FNBP1L: variants seen among roughly 807,000 people sequenced by gnomAD.
FNBP1L encodes the protein formin binding protein 1 like.
In FNBP1L, 36 loss-of-function variants were observed where a neutral mutation model predicts 91.2. The ratio of observed to expected loss-of-function variants is 0.39; its 90% CI spans 0.30 to 0.52. FNBP1L has a LOEUF of 0.52. FNBP1L is among the 20% of genes least tolerant of loss of function. The pLI is 0.66. For missense variants in FNBP1L, 571 were observed against 732.1 expected (o/e 0.78, Z 2.54); for synonymous variants, 242 against 237.0 (o/e 1.02, Z -0.19).
At chr1:93,489,820 G>A (rs1170828802) in intron 1 of FNBP1L, among the ~76,000 whole-genome samples, 3 of 152,152 alleles carry the variant, frequency 2.0e-5, no homozygotes, top group African/African-American at 7.2e-5. Flanking sequence ...TGGTGTTTTA[G>A]CTCTATGAGA....
rs760113054 is a variant in FNBP1L, at chr1:93,549,326, A to G, written c.1551A>G (p.Pro517=). The G allele has an allele frequency of 4.3e-6, 7 of 1,612,880 alleles. No individual in the cohort carries two copies. In the African/African-American group the frequency reaches 8.0e-5, roughly 18 times the overall value. The change falls in exon 15 of 17, where the codon CCA becomes CCG. Residue 517 remains proline, a synonymous_variant. Coordinates refer to ENST00000271234, the MANE Select transcript of FNBP1L (RefSeq NM_001164473.3). ...TDDANQEVRG[P]PQQHGHHNEF... The stretch of plus-strand genomic sequence containing the variant: ...ATGCAAACCAGGAAGTCCGTGGGCC[A>G]CCCCAGCAGCATGGTCACCACAATG...
At chr1:93,528,170 C>G (rs1000883152) in intron 5 of FNBP1L, among the ~76,000 whole-genome samples, 2 of 152,028 alleles carry the variant, frequency 1.3e-5, no homozygotes, top group East Asian at 1.9e-4. Flanking sequence ...ACAAAAATAA[C>G]TCAAGAAAGT....
At chr1:93,449,814 T>C (rs950554134) in intron 1 of FNBP1L, among the ~76,000 whole-genome samples, 14 of 152,230 alleles carry the variant, frequency 9.2e-5, no homozygotes, top group Admixed American at 1.3e-4. Context: ...TTGGCCTTTT[T>C]CCCTTACACT....
chr1:93,526,121 G>A (rs1557810448), intron 5 of FNBP1L, among the ~76,000 whole-genome samples: 1 of 152,120 alleles, frequency 6.6e-6, no homozygotes, highest in Non-Finnish European at 1.5e-5. Context: ...AAAGTAGGCA[G>A]TACTGGCATT....
rs191169954 is a variant in FNBP1L at position 93,477,490 on chromosome 1, T to C, written c.25-21978T>C. Among the ~76,000 whole-genome samples, 6 of 152,350 alleles carry C rather than the reference T, an allele frequency of 3.9e-5. No homozygotes were observed. In the East Asian group the frequency reaches 1.2e-3, roughly 29 times the overall value. On this transcript the variant is annotated intron_variant, in intron 1 of 16. Coordinates refer to ENST00000271234, the MANE Select transcript of FNBP1L (RefSeq NM_001164473.3). The stretch of plus-strand genomic sequence containing the variant: ...TAGAAAAATGTGTTAATCTATAAAA[T>C]AGTAGCTTGTATATGTTCATTCTGC...
At chr1:93,547,967 C>A (rs931181030) in intron 14 of FNBP1L, among the ~76,000 whole-genome samples, 8 of 152,058 alleles carry the variant, frequency 5.3e-5, no homozygotes, top group Non-Finnish European at 1.0e-4. Flanking sequence ...TGTGAGAGGC[C>A]TAGTAACAAC....
At chr1:93,475,892 A>G (rs17109997) in intron 1 of FNBP1L, among the ~76,000 whole-genome samples, 15,802 of 152,126 alleles carry the variant, frequency 0.1, 962 homozygotes, top group African/African-American at 0.17. Flanking sequence ...GTGAAATCAG[A>G]AATTCTTACT....
intron 1 of FNBP1L, among the ~76,000 whole-genome samples, chr1:93,496,113 A>G (rs148649050): frequency 3.3e-5 from 5 of 152,316 alleles, no homozygotes; most frequent in Non-Finnish European, 5.9e-5. Flanking sequence ...AGTCTGTTCA[A>G]TGAAAGCCTT....
In FNBP1L at chr1:93,554,187, A is replaced by G. The variant is rs1205365549; in HGVS notation, c.*1771A>G. The G allele has an allele frequency of 1.3e-5, 2 of 152,672 alleles. No individual in the cohort carries two copies. The highest frequency in any genetic ancestry group is 2.9e-5 in the Non-Finnish European group (2 of 68,040). The allele number at this position is 152,672 out of a possible 1,614,324, so 9.5% of individuals were successfully genotyped here. ...ACATTATTCAGTACTGACAGACTACATGAAGTAGTTTTAAAATCTAGTGCT... is the reference window on the plus strand; with the variant it reads ...ACATTATTCAGTACTGACAGACTACGTGAAGTAGTTTTAAAATCTAGTGCT... On this transcript the variant is annotated 3_prime_UTR_variant, in exon 17 of 17. Coordinates refer to ENST00000271234, the MANE Select transcript of FNBP1L (RefSeq NM_001164473.3).
intron 2 of FNBP1L, among the ~76,000 whole-genome samples, chr1:93,511,590 A>C (rs536140291): frequency 1.3e-5 from 2 of 152,220 alleles, no homozygotes; most frequent in East Asian, 3.9e-4. Context: ...GACAGGATCA[A>C]ATTCACACAT....
In FNBP1L at chr1:93,457,945, C is replaced by T. The variant is rs572418881; in HGVS notation, c.24+9640C>T. Among the ~76,000 whole-genome samples, 20 of 152,030 alleles carry T rather than the reference C, an allele frequency of 1.3e-4. No individual in the cohort carries two copies. The South Asian group carries it at 1.9e-3, about 14-fold the overall frequency. ...TAGCTGGGACTACAGGCGCCCGCCA[C>T]CACGCCTGGCTAATTTTTTGAGTTT... is the stretch of plus-strand genomic sequence containing the variant. On this transcript the variant is annotated intron_variant, in intron 1 of 16. Coordinates refer to ENST00000271234, the MANE Select transcript of FNBP1L (RefSeq NM_001164473.3).
rs995012595 is a variant in FNBP1L, at chr1:93,448,129, T to C, written c.-153T>C. The C allele has an allele frequency of 1.5e-4, 142 of 951,564 alleles. No individual in the cohort carries two copies. The highest frequency in any genetic ancestry group is 2.5e-4 in the African/African-American group (14 of 56,626). The allele number at this position is 951,564 out of a possible 1,614,324, so 58.9% of individuals were successfully genotyped here. ...GCGGAGGCTTCTCCAGTCGCGTCTTTCTCACTCACTGGGGAGCCCGGCGGT... is the reference window on the plus strand; with the variant it reads ...GCGGAGGCTTCTCCAGTCGCGTCTTCCTCACTCACTGGGGAGCCCGGCGGT... On this transcript the variant is annotated 5_prime_UTR_variant, in exon 1 of 17. Transcript: ENST00000271234.
At chr1:93,547,087 A>G in intron 13 of FNBP1L, 113 bp downstream of exon 13, 3 of 1,259,644 alleles carry the variant, frequency 2.4e-6, no homozygotes, top group Non-Finnish European at 3.3e-6. Flanking sequence ...GTTAGGGTTT[A>G]TGATCTAAAA....
chr1:93,513,920 G>T (rs1461784210), intron 2 of FNBP1L, among the ~76,000 whole-genome samples: 2 of 152,146 alleles, frequency 1.3e-5, no homozygotes, highest in African/African-American at 4.8e-5. Flanking sequence ...TTCTGGCCAG[G>T]GCAATTAGGC....
intron 1 of FNBP1L, among the ~76,000 whole-genome samples, chr1:93,464,256 A>G (rs1204264152): frequency 6.6e-6 from 1 of 152,214 alleles, no homozygotes; most frequent in Non-Finnish European, 1.5e-5. Flanking sequence ...GTTTTGAACA[A>G]AGATTTACTG....
At chr1:93,463,771 C>T (rs1668978096) in intron 1 of FNBP1L, among the ~76,000 whole-genome samples, 1 of 152,164 alleles carries the variant, frequency 6.6e-6, no homozygotes, top group Admixed American at 6.5e-5. Flanking sequence ...GTTTTAGGCT[C>T]TTCGTTTCCA....
chr1:93,483,213 AAAGG>A (rs1390669019), intron 1 of FNBP1L, among the ~76,000 whole-genome samples: 1 of 139,072 alleles, frequency 7.2e-6, no homozygotes, highest in Non-Finnish European at 1.6e-5. Context: ...AAAAAAAAAG[AAAGG>A]AAAGCTAGTA....
intron 10 of FNBP1L, among the ~76,000 whole-genome samples, chr1:93,539,040 A>G (rs1671939634): frequency 6.6e-6 from 1 of 152,030 alleles, no homozygotes; most frequent in Non-Finnish European, 1.5e-5. Context: ...ATATACTCGA[A>G]CTTAACTACT....
chr1:93,529,737 C>A lies in FNBP1L; in HGVS notation c.491C>A (p.Thr164Asn). 6.6e-6 allele frequency: 10 copies of A among 1,521,336 alleles called. No homozygotes were observed. Among genetic ancestry groups the A allele is most frequent in the Admixed American group, 4.6e-5 (2 of 43,088 alleles). 94.2% of individuals were successfully genotyped at this position (1,521,336 alleles called of 1,614,324 possible). Reference sequence around the variant, plus strand: ...AGATTGGATAATGATACTAATGCAACCAAGGCAGATGTTGAAAAGGTAAGA... The same window carrying A: ...AGATTGGATAATGATACTAATGCAAACAAGGCAGATGTTGAAAAGGTAAGA... Reference protein sequence around the residue: ...YERLDNDTNATKADVEKAKQQ... With the variant: ...YERLDNDTNANKADVEKAKQQ... Residue 164 changes from threonine to asparagine, a missense_variant, in exon 6 of 17, where the codon ACC becomes AAC. Coordinates refer to ENST00000271234, the MANE Select transcript of FNBP1L (RefSeq NM_001164473.3).
Sources: gnomAD v4.1 joint callset for allele counts (sites outside exome capture counted in the v4.1 genomes callset) on GRCh38, gnomAD v4.1.1 for gene constraint, MANE v1.5 for transcripts, NCBI Gene and HGNC (gene_info 2026-07-23, HGNC 2026-07-21) for gene names.